ROCK1: variants seen among roughly 807,000 people sequenced by gnomAD.
ROCK1 encodes Rho associated coiled-coil containing protein kinase 1.
A neutral mutation model predicts 196.8 loss-of-function variants in ROCK1; 36 were observed. That is an observed-to-expected ratio of 0.18 (90% confidence interval 0.14 to 0.24). ROCK1 has a LOEUF of 0.24. Ranked by LOEUF, ROCK1 falls within the 10% of genes least tolerant of loss-of-function variation. The pLI, the probability that ROCK1 is intolerant of heterozygous loss-of-function variation, is 1.00. For missense variants in ROCK1, 920 were observed against 1,562.0 expected (o/e 0.59, Z 6.93); for synonymous variants, 443 against 515.9 (o/e 0.86, Z 1.91).
intron 27 of ROCK1, 113 bp downstream of exon 27, chr18:20,966,804 C>A: frequency 1.2e-6 from 1 of 826,044 alleles, no homozygotes; most frequent in Non-Finnish European, 1.9e-6. Flanking sequence ...ATAAGAATTC[C>A]TTCTTAGGAA....
At position 20,959,132 on chromosome 18, in the gene ROCK1, A is replaced by ATATATATTATATAATATATATAT. The variant is rs1568367515; in HGVS notation, c.3512+707_3512+708insATATATATATTATATAATATATA. ...ATATATATTATATAATATATATATT[A>ATATATATTATATAATATATATAT]TATATATTATATAAAATATATATAT... On this transcript the variant is annotated intron_variant, in intron 29 of 32. Coordinates refer to ENST00000399799, the MANE Select transcript of ROCK1 (RefSeq NM_005406.3). 7.3e-3 allele frequency among the ~76,000 whole-genome samples: 383 copies of ATATATATTATATAATATATATAT among 52,118 alleles called. 20 individuals are homozygous for ATATATATTATATAATATATATAT. Among genetic ancestry groups the ATATATATTATATAATATATATAT allele is most frequent in the African/African-American group, 0.026 (179 of 6,866 alleles). The allele number at this position is 52,118 out of a possible 152,430, so 34.2% of individuals were successfully genotyped here.
At chr18:21,092,663 GCATTTTTTAAACCA>G (rs1370105462) in intron 1 of ROCK1, among the ~76,000 whole-genome samples, 1 of 150,318 alleles carries the variant, frequency 6.7e-6, no homozygotes, top group Non-Finnish European at 1.5e-5. Context: ...ATATAGCCTG[GCATTTTTTAAACCA>G]CATTTTTTAA....
At chr18:21,013,204 A>G (rs1284458829) in intron 13 of ROCK1, among the ~76,000 whole-genome samples, 1 of 152,216 alleles carries the variant, frequency 6.6e-6, no homozygotes, top group Non-Finnish European at 1.5e-5. Flanking sequence ...ATCTTACAAC[A>G]TTCTGGATCT....
At chr18:21,078,487 T>C (rs2036455295) in intron 1 of ROCK1, among the ~76,000 whole-genome samples, 1 of 152,086 alleles carries the variant, frequency 6.6e-6, no homozygotes, top group Non-Finnish European at 1.5e-5. Flanking sequence ...TTCGCAGCTC[T>C]TGTCTAGCAG....
At chr18:21,080,074 G>T (rs954114026) in intron 1 of ROCK1, among the ~76,000 whole-genome samples, 1 of 152,110 alleles carries the variant, frequency 6.6e-6, no homozygotes, top group Non-Finnish European at 1.5e-5. Context: ...TGTGATCCAC[G>T]TGTGTTCCTG....
intron 1 of ROCK1, among the ~76,000 whole-genome samples, chr18:21,094,942 C>T (rs182245734): frequency 1.3e-5 from 2 of 149,664 alleles, no homozygotes; most frequent in African/African-American, 4.9e-5. Context: ...CCCAGCTACT[C>T]GGGAAGCTGA....
In ROCK1 at chr18:20,971,709, TAAATAAATAAAG is replaced by T. The variant is rs1267138047; in HGVS notation, c.2655-1208_2655-1197del. Among the ~76,000 whole-genome samples, 4 of 133,722 alleles carry T rather than the reference TAAATAAATAAAG, an allele frequency of 3.0e-5. No homozygotes were observed. In the South Asian group the frequency reaches 6.6e-4, roughly 22 times the overall value. The allele number at this position is 133,722 out of a possible 152,430, so 87.7% of individuals were successfully genotyped here. ...ATAAATAAATAAATAAATAAATAAA[TAAATAAATAAAG>T]AGACACAGCAGTAACAAAGTTCCTG... is the stretch of plus-strand genomic sequence containing the variant. On this transcript the variant is annotated intron_variant, in intron 22 of 32. Transcript: ENST00000399799.
rs762135076 is a variant in ROCK1, at chr18:21,028,954, T to C, written c.1052-19A>G. The C allele has an allele frequency of 8.1e-6, 13 of 1,599,110 alleles. No individual in the cohort carries two copies. Among genetic ancestry groups the C allele is most frequent in the East Asian group, 6.8e-5 (3 of 44,262 alleles). Reference sequence around the variant, plus strand: ...GCTACAGCTAAAGACAAAACAAAATTAGTTGTTCACTTCAAACTTAAAATA... The same window carrying C: ...GCTACAGCTAAAGACAAAACAAAATCAGTTGTTCACTTCAAACTTAAAATA... On this transcript the variant is annotated intron_variant, in intron 9 of 32. Transcript: ENST00000399799.
At position 20,999,243 on chromosome 18, in the gene ROCK1, TA is replaced by T. The variant is rs1474551418; in HGVS notation, c.1886-6307del. Among the ~76,000 whole-genome samples the T allele has an allele frequency of 2.6e-5, 4 of 151,524 alleles. No individual in the cohort carries two copies. The East Asian group carries it at 5.8e-4, about 22-fold the overall frequency. On this transcript the variant is annotated intron_variant, in intron 16 of 32. Transcript: ENST00000399799. ...TATGTTAAAATGCCAAAATAAAATA[TA>T]AAATTTACAAAAAGGCATAATCTAC...
intron 27 of ROCK1, among the ~76,000 whole-genome samples, chr18:20,963,472 A>G (rs1328300048): frequency 6.6e-6 from 1 of 151,952 alleles, no homozygotes; most frequent in East Asian, 1.9e-4. Context: ...TCAAATCACT[A>G]GATTTGGGCA....
chr18:21,032,204 C>G (rs937423992), intron 9 of ROCK1, among the ~76,000 whole-genome samples: 108 of 152,082 alleles, frequency 7.1e-4, no homozygotes, highest in African/African-American at 2.5e-3. Context: ...TAACTCAAAG[C>G]CATATGAAGA....
chr18:20,995,510 G>C lies in ROCK1; in HGVS notation c.1886-2573C>G, dbSNP rs116191044. Reference sequence around the variant, plus strand: ...TTGGGGGTCCCCAATTCCAGGTCCTGGTTCTTGGATGGCATTTCTGGACCT... The same window carrying C: ...TTGGGGGTCCCCAATTCCAGGTCCTCGTTCTTGGATGGCATTTCTGGACCT... On this transcript the variant is annotated intron_variant, in intron 16 of 32. Coordinates refer to ENST00000399799, the MANE Select transcript of ROCK1 (RefSeq NM_005406.3). 8.0e-3 allele frequency among the ~76,000 whole-genome samples: 1,215 copies of C among 152,256 alleles called. 12 individuals are homozygous for C. Among genetic ancestry groups the C allele is most frequent in the African/African-American group, 0.028 (1,162 of 41,554 alleles).
At chr18:21,012,830 TTC>T (rs1303301656) in intron 13 of ROCK1, among the ~76,000 whole-genome samples, 9 of 149,398 alleles carry the variant, frequency 6.0e-5, no homozygotes, top group Non-Finnish European at 1.0e-4. Flanking sequence ...TCTGATCATT[TTC>T]TCTCTGTTGT....
intron 21 of ROCK1, among the ~76,000 whole-genome samples, chr18:20,980,239 TA>T (rs374886251): frequency 1.0e-4 from 15 of 147,684 alleles, no homozygotes; most frequent in East Asian, 3.9e-4. Context: ...ATACATGGGT[TA>T]AAAAAAAAAC....
chr18:21,067,072 T>G (rs2036340981), intron 2 of ROCK1, among the ~76,000 whole-genome samples: 1 of 152,214 alleles, frequency 6.6e-6, no homozygotes, highest in African/African-American at 2.4e-5. Flanking sequence ...CAATGCATTT[T>G]CATAAATACT....
chr18:21,071,299 C>T (rs1338741256), intron 1 of ROCK1, among the ~76,000 whole-genome samples: 2 of 151,260 alleles, frequency 1.3e-5, no homozygotes, highest in African/African-American at 2.4e-5. Flanking sequence ...CTGCCTCAGC[C>T]TCTTGAGTAG....
chr18:21,036,376 A>G (rs2036057238), intron 9 of ROCK1, among the ~76,000 whole-genome samples: 2 of 152,234 alleles, frequency 1.3e-5, no homozygotes, highest in South Asian at 2.1e-4. Flanking sequence ...AGTAACACCA[A>G]TATCTTATTT....
chr18:20,974,140 T>C (rs1444268531), intron 22 of ROCK1, among the ~76,000 whole-genome samples: 2 of 152,206 alleles, frequency 1.3e-5, no homozygotes. Context: ...GATACTCTAC[T>C]CTGATGCAGA....
At chr18:20,999,842 T>A (rs1028953185) in intron 16 of ROCK1, among the ~76,000 whole-genome samples, 5 of 151,884 alleles carry the variant, frequency 3.3e-5, no homozygotes, top group African/African-American at 1.2e-4. Context: ...CTCGGGGGGG[T>A]CTCAAACTCC....
Sources: allele counts gnomAD v4.1 joint callset (sites outside exome capture counted in the v4.1 genomes callset), GRCh38; gene constraint gnomAD v4.1.1; transcripts MANE v1.5; gene names NCBI Gene and HGNC (gene_info 2026-07-23, HGNC 2026-07-21).